GSE1: variants seen among roughly 807,000 people sequenced by gnomAD.
GSE1 encodes genetic suppressor element 1.
In GSE1, 32 loss-of-function variants were observed where a neutral mutation model predicts 112.6. That is an observed-to-expected ratio of 0.28 (90% confidence interval 0.21 to 0.38). The LOEUF (loss-of-function observed/expected upper bound fraction) is 0.38, where lower values mean the gene tolerates loss of function less well. GSE1 is among the 10% of genes least tolerant of loss of function. GSE1 has a pLI of 1.00. For missense variants in GSE1, 2,348 were observed against 1,699.2 expected, an observed-to-expected ratio of 1.38 and a Z score of -6.71; for synonymous variants, 1,115 against 735.6, an observed-to-expected ratio of 1.52 and a Z score of -8.35.
intron 2 of GSE1, among the ~76,000 whole-genome samples, chr16:85,485,704 G>T (rs561678988): frequency 6.6e-6 from 1 of 152,242 alleles, no homozygotes; most frequent in Non-Finnish European, 1.5e-5. Flanking sequence ...GAGGCGGCCG[G>T]CTGTGCATCA....
chr16:85,286,603 A>G (rs957205261), intron 1 of GSE1, among the ~76,000 whole-genome samples: 1 of 152,310 alleles, frequency 6.6e-6, no homozygotes, highest in East Asian at 1.9e-4. Context: ...CGGAGCTGCA[A>G]CAGTCATCGT....
chr16:85,289,743 G>T (rs1291490458), intron 1 of GSE1, among the ~76,000 whole-genome samples: 1 of 152,196 alleles, frequency 6.6e-6, no homozygotes, highest in East Asian at 1.9e-4. Flanking sequence ...CAAGGTCCTG[G>T]GGCAGTCGCC....
At chr16:85,395,892 G>A (rs915008926) in intron 2 of GSE1, among the ~76,000 whole-genome samples, 2 of 140,718 alleles carry the variant, frequency 1.4e-5, no homozygotes, top group Non-Finnish European at 1.5e-5. Flanking sequence ...CCAGCGCCCC[G>A]CAGAAGGGCT....
At chr16:85,493,546 G>C (rs1476956968) in intron 2 of GSE1, among the ~76,000 whole-genome samples, 3 of 152,058 alleles carry the variant, frequency 2.0e-5, no homozygotes, top group Non-Finnish European at 4.4e-5. Flanking sequence ...CTGAGGTCGG[G>C]AGTTCAAGAC....
chr16:85,290,288 C>A (rs1380884739), intron 1 of GSE1, among the ~76,000 whole-genome samples: 1 of 152,216 alleles, frequency 6.6e-6, no homozygotes. Context: ...CTGCCATCTT[C>A]TCATCACAAG....
In GSE1 at chr16:85,440,977, G is replaced by A. The variant is rs576693065; in HGVS notation, c.2464+83334G>A. On this transcript the variant is annotated intron_variant, in intron 2 of 2. Transcript: ENST00000637419. ...CCGGGGGTGGGCCTGAAATGCACACGTCCAGCCAGCTCCCGGGAGGCCAAC... is the reference window on the plus strand; with the variant it reads ...CCGGGGGTGGGCCTGAAATGCACACATCCAGCCAGCTCCCGGGAGGCCAAC... 1.7e-3 allele frequency among the ~76,000 whole-genome samples: 262 copies of A among 152,290 alleles called. 1 individual carries two copies. Among genetic ancestry groups the A allele is most frequent in the Non-Finnish European group, 2.5e-3 (173 of 68,026 alleles).
intron 2 of GSE1, among the ~76,000 whole-genome samples, chr16:85,549,936 A>G (rs113212469): frequency 3.9e-4 from 60 of 152,288 alleles, no homozygotes; most frequent in African/African-American, 1.4e-3. Context: ...ACATCGTAGG[A>G]AAGCAGGCAT....
At chr16:85,638,519 C>T (rs1017139726) in intron 2 of GSE1, among the ~76,000 whole-genome samples, 1 of 152,222 alleles carries the variant, frequency 6.6e-6, no homozygotes, top group Non-Finnish European at 1.5e-5. Flanking sequence ...CTTTGCCTCT[C>T]TGAGCTTCCA....
At chr16:85,529,430 A>T (rs917974143) in intron 2 of GSE1, among the ~76,000 whole-genome samples, 1 of 152,210 alleles carries the variant, frequency 6.6e-6, no homozygotes, top group Non-Finnish European at 1.5e-5. Flanking sequence ...AATATTTACA[A>T]TTAAAAACAA....
At chr16:85,422,584 A>G (rs1208534377) in intron 2 of GSE1, among the ~76,000 whole-genome samples, 3 of 63,604 alleles carry the variant, frequency 4.7e-5, no homozygotes, top group South Asian at 5.4e-4. Context: ...TGGCCAAAAG[A>G]AAAAAAAAAA....
chr16:85,193,384 C>T (rs1479348001), intron 1 of GSE1, among the ~76,000 whole-genome samples: 1 of 152,022 alleles, frequency 6.6e-6, no homozygotes, highest in Non-Finnish European at 1.5e-5. Flanking sequence ...GCTCAGTCAC[C>T]CAAGTTGGAG....
At chr16:85,230,683 G>T (rs1326394511) in intron 1 of GSE1, among the ~76,000 whole-genome samples, 1 of 152,244 alleles carries the variant, frequency 6.6e-6, no homozygotes, top group African/African-American at 2.4e-5. Flanking sequence ...CCCAAGGGCA[G>T]ATTATGACTG....
intron 2 of GSE1, among the ~76,000 whole-genome samples, chr16:85,434,079 C>A (rs2049184981): frequency 6.6e-6 from 1 of 152,154 alleles, no homozygotes; most frequent in East Asian, 1.9e-4. Context: ...AGCAGAAATT[C>A]TCCAGTATCA....
intron 1 of GSE1, among the ~76,000 whole-genome samples, chr16:85,341,538 A>G (rs2151540470): frequency 6.6e-6 from 1 of 152,234 alleles, no homozygotes; most frequent in South Asian, 2.1e-4. Context: ...GGCACCTGTA[A>G]TCCCAGCTAC....
intron 2 of GSE1, among the ~76,000 whole-genome samples, chr16:85,357,989 C>T (rs1393419643): frequency 6.6e-6 from 1 of 152,108 alleles, no homozygotes; most frequent in Non-Finnish European, 1.5e-5. Context: ...CAGAGGGGGT[C>T]GTTTCTTGGT....
At chr16:85,336,944 A>C (rs989013675) in intron 1 of GSE1, among the ~76,000 whole-genome samples, 24 of 152,244 alleles carry the variant, frequency 1.6e-4, no homozygotes, top group Non-Finnish European at 3.2e-4. Flanking sequence ...GCTGACATGC[A>C]CACATGCTTG....
At chr16:85,170,786 T>G (rs1458265625) in exon 1 of GSE1, 1 of 985,422 alleles carries the variant, frequency 1.0e-6, no homozygotes, top group Non-Finnish European at 1.2e-6. Flanking sequence ...AGTACCTTGG[T>G]GTGCGCCAGC....
chr16:85,532,408 A>G (rs1269439374), intron 2 of GSE1, among the ~76,000 whole-genome samples: 1 of 152,126 alleles, frequency 6.6e-6, no homozygotes, highest in African/African-American at 2.4e-5. Context: ...CCACAAGCAT[A>G]CGCCACCACG....
intron 1 of GSE1, among the ~76,000 whole-genome samples, chr16:85,334,541 G>A (rs2046442920): frequency 6.6e-6 from 1 of 152,204 alleles, no homozygotes; most frequent in South Asian, 2.1e-4. Flanking sequence ...GAAGGACCTG[G>A]TGTCCCGACC....
Sources: gnomAD v4.1 joint callset for allele counts (sites outside exome capture counted in the v4.1 genomes callset) on GRCh38, gnomAD v4.1.1 for gene constraint, MANE v1.5 for transcripts, NCBI Gene and HGNC (gene_info 2026-07-23, HGNC 2026-07-21) for gene names.